Variants in METTL13 observed in about 807,000 individuals in gnomAD.
The protein encoded by METTL13 is eEF1A lysine and N-terminal methyltransferase.
Under a neutral mutation model 67.4 loss-of-function variants are expected in METTL13, and 52 were observed. The observed-to-expected ratio is 0.77, with a 90% CI of 0.62 to 0.97. The LOEUF (loss-of-function observed/expected upper bound fraction) is 0.97. Among genes scored for constraint, METTL13 ranks in the 50% least tolerant of loss-of-function variants. The pLI, the probability that METTL13 is intolerant of heterozygous loss-of-function variation, is 0.00. For synonymous variants in METTL13, 354 were observed against 353.6 expected (o/e 1.00, Z -0.01); for missense variants, 825 against 889.6 (o/e 0.93, Z 0.92).
chr1:171,796,344 C>T, intron 7 of METTL13, 138 bp from the exon 8 acceptor site: 1 of 1,026,992 alleles, frequency 9.7e-7, no homozygotes, highest in Non-Finnish European at 1.4e-6. Flanking sequence ...TGTGTATTCT[C>T]TGCAAACTCA....
In METTL13 at chr1:171,785,996, A is replaced by G. The variant is rs1162954615; in HGVS notation, c.1031A>G (p.Tyr344Cys). 3.7e-6 allele frequency: 6 copies of G among 1,613,920 alleles called. No homozygotes were observed. The highest frequency in any genetic ancestry group is 3.3e-4 in the Middle Eastern group (2 of 6,050). Reference sequence around the variant, plus strand: ...GTGGCCCTTCACCGAGGTCAGCAGTATGAAAGCATGGACCACATCCAAGCT... The same window carrying G: ...GTGGCCCTTCACCGAGGTCAGCAGTGTGAAAGCATGGACCACATCCAAGCT... ...ITVALHRGQQ[Y>C]ESMDHIQAEL... The change falls in exon 3 of 8, where the codon TAT (tyrosine) becomes TGT (cysteine). Residue 344 changes from tyrosine (Y) to cysteine (C), a missense_variant. Transcript: ENST00000361735.
intron 6 of METTL13, 45 bp downstream of exon 6, chr1:171,792,280 T>C (rs1373510411): frequency 1.9e-6 from 3 of 1,607,144 alleles, no homozygotes; most frequent in Non-Finnish European, 2.6e-6. Context: ...GGATGATTGA[T>C]GCGACATTGT....
At chr1:171,786,864 G>A (rs909865291) in intron 3 of METTL13, among the ~76,000 whole-genome samples, 1 of 151,898 alleles carries the variant, frequency 6.6e-6, no homozygotes, top group Admixed American at 6.6e-5. Flanking sequence ...GTAGAGACAG[G>A]GTCTCCCTAT....
At chr1:171,795,758 A>G (rs1657348040) in intron 7 of METTL13, among the ~76,000 whole-genome samples, 1 of 152,230 alleles carries the variant, frequency 6.6e-6, no homozygotes, top group South Asian at 2.1e-4. Context: ...TCAGAAGTCA[A>G]GATAACCTCG....
chr1:171,794,568 C>A, intron 7 of METTL13, 41 bp downstream of exon 7: 1 of 1,608,190 alleles, frequency 6.2e-7, no homozygotes, highest in Non-Finnish European at 8.5e-7. Flanking sequence ...AGAGAAGGGA[C>A]CATTAACAAA....
In METTL13 at chr1:171,792,211, G is replaced by T. The variant is rs772705665; in HGVS notation, c.1669G>T (p.Ala557Ser). The T allele has an allele frequency of 3.1e-6, 5 of 1,614,182 alleles. No homozygotes were observed. In the East Asian group the frequency reaches 8.9e-5, roughly 29 times the overall value. ...VHIADGLDYIASLAGGGEARP... is the reference protein window; with the variant it reads ...VHIADGLDYISSLAGGGEARP... ...CATTGCAGATGGCCTGGACTATATC[G>T]CCAGCTTGGCAGGAGGAGGAGAAGG... The change falls in exon 6 of 8, where the codon GCC becomes TCC. Residue 557 changes from alanine (A) to serine (S), a missense_variant. By Grantham distance (99) the Ala-to-Ser change is moderately conservative (BLOSUM62 1). Transcript: ENST00000361735.
At chr1:171,783,275 A>G (rs565745205) in intron 1 of METTL13, among the ~76,000 whole-genome samples, 1 of 152,324 alleles carries the variant, frequency 6.6e-6, no homozygotes, top group African/African-American at 2.4e-5. Context: ...ATAGCCAAAT[A>G]TCATGAGATG....
intron 7 of METTL13, 39 bp downstream of exon 7, chr1:171,794,566 G>T: frequency 2.5e-6 from 4 of 1,608,532 alleles, no homozygotes; most frequent in Non-Finnish European, 3.4e-6. Context: ...GGAGAGAAGG[G>T]ACCATTAACA....
chr1:171,794,816 G>A (rs1388985642), intron 7 of METTL13, among the ~76,000 whole-genome samples: 2 of 151,584 alleles, frequency 1.3e-5, no homozygotes, highest in Non-Finnish European at 2.9e-5. Context: ...TGGAATGTTG[G>A]AATGTTCCCT....
chr1:171,786,927 G>A (rs999432710), intron 3 of METTL13, among the ~76,000 whole-genome samples: 58 of 152,098 alleles, frequency 3.8e-4, no homozygotes, highest in African/African-American at 1.4e-3. Flanking sequence ...GGTATCTAGA[G>A]GCTTGGTGCA....
Position 171,786,086 on chromosome 1 carries a change from A to G in METTL13, c.1113+8A>G, listed in dbSNP as rs1657000125. ...ATGCCCACCCAGCAGCAGGTAACAAAGCTTTCGTACGGCTTTCATGGGTCT... is the reference window on the plus strand; with the variant it reads ...ATGCCCACCCAGCAGCAGGTAACAAGGCTTTCGTACGGCTTTCATGGGTCT... On this transcript the variant is annotated splice_region_variant and intron_variant, in intron 3 of 7. Coordinates refer to ENST00000361735, the MANE Select transcript of METTL13 (RefSeq NM_015935.5). 1 of 1,610,232 alleles carries G rather than the reference A, an allele frequency of 6.2e-7. No homozygotes were observed. The highest frequency in any genetic ancestry group is 8.5e-7 in the Non-Finnish European group (1 of 1,178,144).
chr1:171,788,281 C>T (rs975248728), intron 4 of METTL13, among the ~76,000 whole-genome samples: 3 of 152,176 alleles, frequency 2.0e-5, no homozygotes, highest in South Asian at 2.1e-4. Flanking sequence ...CCCTGCCCTC[C>T]ATAGTGTGAC....
Position 171,782,096 on chromosome 1 carries a change from T to C in METTL13, c.129T>C (p.His43=), listed in dbSNP as rs2294720. Residue 43 remains histidine, a synonymous_variant, in exon 1 of 8, where the codon CAT becomes CAC. Coordinates refer to ENST00000361735, the MANE Select transcript of METTL13 (RefSeq NM_015935.5). The stretch of plus-strand genomic sequence containing the variant: ...ACCTGGAACTGTGCGGGGTGCTACA[T>C]AAATATATCAAGCCCAGGGAAAAGG... ...GTYLELCGVL[H]KYIKPREKVL... The C allele has an allele frequency of 0.47, 761,873 of 1,613,446 alleles. 184,846 individuals are homozygous for C. The highest frequency in any genetic ancestry group is 0.71 in the African/African-American group (53,349 of 74,860).
intron 2 of METTL13, 50 bp downstream of exon 2, chr1:171,784,549 G>T (rs976284985): frequency 4.8e-6 from 7 of 1,447,806 alleles, no homozygotes; most frequent in Non-Finnish European, 5.4e-6. Flanking sequence ...GCTTACAGGG[G>T]CTGGGGCTTG....
intron 7 of METTL13, 60 bp from the exon 8 acceptor site, chr1:171,796,422 C>G: frequency 1.3e-6 from 2 of 1,585,980 alleles, no homozygotes; most frequent in Non-Finnish European, 1.7e-6. Context: ...CAAAGCCGAT[C>G]CTTGTCTTTC....
chr1:171,781,776 T>G lies in METTL13; in HGVS notation c.-192T>G, dbSNP rs1237369938. 7.8e-6 allele frequency: 11 copies of G among 1,405,464 alleles called. No homozygotes were observed. The highest frequency in any genetic ancestry group is 1.5e-5 in the African/African-American group (1 of 68,828). 87.1% of individuals were successfully genotyped at this position (1,405,464 alleles called of 1,614,324 possible). ...GGCAAGCGTGTGTGAGATTCAGTGG[T>G]CCATGCGTGCGTTTGTCGTGTAAGG... On this transcript the variant is annotated 5_prime_UTR_variant, in exon 1 of 8. Coordinates refer to ENST00000361735, the MANE Select transcript of METTL13 (RefSeq NM_015935.5).
At position 171,792,057 on chromosome 1, in the gene METTL13, C is replaced by T; in HGVS notation, c.1515C>T (p.Gly505=). The part of the protein sequence containing the change: ...LALLVVGLGG[G]SLPLFVHDHF... ...TGTTGGTGGTAGGCCTGGGCGGGGG[C>T]AGCCTCCCCCTCTTTGTCCACGATC... Residue 505 remains glycine, a synonymous_variant, in exon 6 of 8, where the codon GGC becomes GGT. Coordinates refer to ENST00000361735, the MANE Select transcript of METTL13 (RefSeq NM_015935.5). The T allele has an allele frequency of 6.2e-7, 1 of 1,613,010 alleles. No individual in the cohort carries two copies. Among genetic ancestry groups the T allele is most frequent in the Non-Finnish European group, 8.5e-7 (1 of 1,180,040 alleles).
intron 6 of METTL13, 65 bp downstream of exon 6, chr1:171,792,300 A>C (rs1359341457): frequency 2.8e-5 from 43 of 1,560,128 alleles, no homozygotes; most frequent in Non-Finnish European, 3.7e-5. Context: ...TCAGGCCCGC[A>C]AGGGCCTCTA....
Position 171,787,852 on chromosome 1 carries a change from T to C in METTL13, c.1231T>C (p.Phe411Leu). 1.2e-6 allele frequency: 2 copies of C among 1,614,168 alleles called. No individual in the cohort carries two copies. The highest frequency in any genetic ancestry group is 1.7e-6 in the Non-Finnish European group (2 of 1,180,022). Residue 411 changes from phenylalanine to leucine, a missense_variant, in exon 4 of 8, where the codon TTC becomes CTC. Physicochemically the swap from Phe to Leu is conservative, Grantham distance 22. Coordinates refer to ENST00000361735, the MANE Select transcript of METTL13 (RefSeq NM_015935.5). ...TGTGCAAGGGGATGACAAGCGATAC[T>C]TCCGTCGACTGATCTTCCTCAGCAA... The part of the protein sequence containing the change: ...EDVQGDDKRY[F>L]RRLIFLSNRN...
Sources: allele counts gnomAD v4.1 joint callset (sites outside exome capture counted in the v4.1 genomes callset), GRCh38; gene constraint gnomAD v4.1.1; transcripts MANE v1.5; gene names NCBI Gene and HGNC (gene_info 2026-07-23, HGNC 2026-07-21).